Variants in HRC observed in about 807,000 individuals in gnomAD.
The protein encoded by HRC is sarcoplasmic reticulum histidine-rich calcium-binding protein.
A neutral mutation model predicts 61.4 loss-of-function variants in HRC; 41 were observed. That is an observed-to-expected ratio of 0.67 (90% CI 0.52 to 0.87). The LOEUF (loss-of-function observed/expected upper bound fraction) is 0.87, where lower values mean the gene tolerates loss of function less well. Ranked by LOEUF, HRC falls within the 40% of genes least tolerant of loss-of-function variation. HRC has a pLI of 0.00. For synonymous variants in HRC, 308 were observed against 326.6 expected, an observed-to-expected ratio of 0.94 and a Z score of 0.62; for missense variants, 839 against 885.8, an observed-to-expected ratio of 0.95 and a Z score of 0.67.
At position 49,152,388 on chromosome 19, in the gene HRC, G is replaced by A. The variant is rs771924967; in HGVS notation, c.1903-10C>T. On this transcript the variant is annotated splice_polypyrimidine_tract_variant and intron_variant, in intron 2 of 5. Transcript: ENST00000252825. ...CACATTCAGTGCATCGCTGGGGACCGGGGGAGCCTGGTTAGATGGAAACTC... is the reference window on the plus strand; with the variant it reads ...CACATTCAGTGCATCGCTGGGGACCAGGGGAGCCTGGTTAGATGGAAACTC... The A allele has an allele frequency of 1.5e-5, 24 of 1,610,924 alleles. No individual in the cohort carries two copies. The highest frequency in any genetic ancestry group is 2.0e-5 in the Non-Finnish European group (23 of 1,178,406).
At chr19:49,152,459 T>G (rs904097891) in intron 2 of HRC, 81 bp from the exon 3 acceptor site, 24 of 1,102,540 alleles carry the variant, frequency 2.2e-5, no homozygotes, top group Non-Finnish European at 2.9e-5. Context: ...CCCTGCACCC[T>G]GGACGCTTCC....
rs762012938 is a variant in HRC, at chr19:49,154,433, G to T, written c.805C>A (p.Gln269Lys). ...CCGTGGCCTTGGTGCCTGTGAGCCTGGTGTCTATATTCAATGGAGACATCA... is the reference window on the plus strand; with the variant it reads ...CCGTGGCCTTGGTGCCTGTGAGCCTTGTGTCTATATTCAATGGAGACATCA... ...DDDVSIEYRHQAHRHQGHGIE... is the reference protein window; with the variant it reads ...DDDVSIEYRHKAHRHQGHGIE... Residue 269 changes from glutamine (Q) to lysine (K), a missense_variant, in exon 1 of 6, where the codon CAG becomes AAG. Transcript: ENST00000252825. The T allele has an allele frequency of 1.4e-5, 22 of 1,587,430 alleles. No individual in the cohort carries two copies. The highest frequency in any genetic ancestry group is 1.9e-5 in the Non-Finnish European group (22 of 1,161,574).
intron 4 of HRC, 116 bp from the exon 5 acceptor site, chr19:49,151,669 C>T: frequency 3.3e-6 from 3 of 922,206 alleles, no homozygotes; most frequent in Non-Finnish European, 5.1e-6. Context: ...CTAATTCCTT[C>T]TTCCAACTGA....
At position 49,155,085 on chromosome 19, in the gene HRC, C is replaced by A. The variant is rs1028012565; in HGVS notation, c.153G>T (p.Glu51Asp). Reference protein sequence around the residue: ...NNSTGVAGLSEEASAELRHHL... With the variant: ...NNSTGVAGLSDEASAELRHHL... ...GGTGGCGAAGCTCTGCTGATGCCTCCTCGGAGAGCCCGGCGACTCCAGTGC... is the reference window on the plus strand; with the variant it reads ...GGTGGCGAAGCTCTGCTGATGCCTCATCGGAGAGCCCGGCGACTCCAGTGC... The change falls in exon 1 of 6, where the codon GAG becomes GAT. Residue 51 changes from glutamate to aspartate, a missense_variant. Coordinates refer to ENST00000252825, the MANE Select transcript of HRC (RefSeq NM_002152.3). This position sits in a 1 kb window ranked among gnomAD's most constrained non-coding sequence, Gnocchi z 4.7. 1.9e-6 allele frequency: 3 copies of A among 1,614,070 alleles called. No homozygotes were observed. In the African/African-American group the frequency reaches 4.0e-5, roughly 22 times the overall value.
chr19:49,151,993 C>T lies in HRC; in HGVS notation c.2026+11G>A. On this transcript the variant is annotated intron_variant, in intron 4 of 5. Coordinates refer to ENST00000252825, the MANE Select transcript of HRC (RefSeq NM_002152.3). ...TTCCTCAGGTTTTTCCAGGGCCCCG[C>T]CCATGCTCACCTGGAGCGCAGACCG... 1 of 1,613,904 alleles carries T rather than the reference C, an allele frequency of 6.2e-7. No homozygotes were observed. Among genetic ancestry groups the T allele is most frequent in the East Asian group, 2.2e-5 (1 of 44,888 alleles).
rs2041389407 is a variant in HRC, at chr19:49,154,101, T to C, written c.1137A>G (p.Glu379=). 1.2e-6 allele frequency: 2 copies of C among 1,614,072 alleles called. No homozygotes were observed. Among genetic ancestry groups the C allele is most frequent in the African/African-American group, 2.7e-5 (2 of 74,952 alleles). ...VHHGLVDEEE[E]EEEITVQFGH... ...CGAACTGGACTGTGATCTCCTCTTCTTCCTCTTCCTCATCTACAAGGCCAT... is the reference window on the plus strand; with the variant it reads ...CGAACTGGACTGTGATCTCCTCTTCCTCCTCTTCCTCATCTACAAGGCCAT... Residue 379 remains glutamate, a synonymous_variant, in exon 1 of 6, where the codon GAA becomes GAG. Coordinates refer to ENST00000252825, the MANE Select transcript of HRC (RefSeq NM_002152.3).
Position 49,154,976 on chromosome 19 carries a change from G to T in HRC, c.262C>A (p.Arg88Ser). Residue 88 changes from arginine to serine, a missense_variant, in exon 1 of 6, where the codon CGT becomes AGT. By Grantham distance (110) the Arg-to-Ser change is moderately radical. Coordinates refer to ENST00000252825, the MANE Select transcript of HRC (RefSeq NM_002152.3). ...GAGACATCTTCATCCTCCTTTTCAC[G>T]GTCTGGGTGGCTCCAGAAATGATGC... ...NGHHFWSHPD[R>S]EKEDEDVSKE... The T allele has an allele frequency of 6.2e-7, 1 of 1,614,122 alleles. No individual in the cohort carries two copies. Among genetic ancestry groups the T allele is most frequent in the Non-Finnish European group, 8.5e-7 (1 of 1,179,998 alleles).
rs1308191164 is a variant in HRC, at chr19:49,151,261, G to A, written c.*35C>T. On this transcript the variant is annotated 3_prime_UTR_variant, in exon 6 of 6. Coordinates refer to ENST00000252825, the MANE Select transcript of HRC (RefSeq NM_002152.3). ...TCGTGGAAAGGGGTTGGAAGGCAGG[G>A]GGAGGTACACCTGCGTCGCAGTCGA... The A allele has an allele frequency of 9.2e-6, 14 of 1,519,746 alleles. No homozygotes were observed. The East Asian group carries it at 3.4e-4, about 37-fold the overall frequency. The allele number at this position is 1,519,746 out of a possible 1,614,324, so 94.1% of individuals were successfully genotyped here.
In HRC at chr19:49,155,001, C is replaced by A. The variant is rs763091274; in HGVS notation, c.237G>T (p.Gly79=). Residue 79 remains glycine, a synonymous_variant, in exon 1 of 6, where the codon GGG becomes GGT. Transcript: ENST00000252825. This position sits in a 1 kb window ranked among gnomAD's most constrained non-coding sequence, Gnocchi z 4.7. ...DENKDVSTEN[G]HHFWSHPDRE... is the part of the protein sequence containing the mutation. ...GGTCTGGGTGGCTCCAGAAATGATG[C>A]CCATTCTCTGTGGAAACATCCTTGT... The A allele has an allele frequency of 6.2e-7, 1 of 1,614,222 alleles. No homozygotes were observed. Among genetic ancestry groups the A allele is most frequent in the South Asian group, 1.1e-5 (1 of 91,090 alleles).
intron 4 of HRC, among the ~76,000 whole-genome samples, 184 bp from the exon 5 acceptor site, chr19:49,151,737 C>T (rs1249274626): frequency 1.3e-5 from 2 of 152,226 alleles, no homozygotes; most frequent in Non-Finnish European, 2.9e-5. Context: ...AGTAGCCCCG[C>T]CCCTTCGATT....
rs764751124 is a variant in HRC at position 49,153,842 on chromosome 19, G to A, written c.1396C>T (p.Pro466Ser). 4 of 1,614,032 alleles carry A rather than the reference G, an allele frequency of 2.5e-6. No individual in the cohort carries two copies. The highest frequency in any genetic ancestry group is 3.4e-6 in the Non-Finnish European group (4 of 1,180,012). ...CTATCCTTGACCACTGTGTGTCCTG[G>A]GGGGTGATGGCTCATCTCTTTGATG... ...GSIKEMSHHPPGHTVVKDRSH... is the reference protein window; with the variant it reads ...GSIKEMSHHPSGHTVVKDRSH... Residue 466 changes from proline to serine, a missense_variant, in exon 1 of 6, where the codon CCA becomes TCA. Coordinates refer to ENST00000252825, the MANE Select transcript of HRC (RefSeq NM_002152.3). This position sits in a 1 kb window ranked among gnomAD's most constrained non-coding sequence, Gnocchi z 4.8.
intron 2 of HRC, 125 bp from the exon 3 acceptor site, chr19:49,152,503 C>T: frequency 1.5e-6 from 1 of 655,728 alleles, no homozygotes; most frequent in South Asian, 2.1e-5. Flanking sequence ...TAACACTGAG[C>T]TCTGTATCTG....
At chr19:49,151,435 T>C in intron 5 of HRC, 82 bp downstream of exon 5, 2 of 1,584,784 alleles carry the variant, frequency 1.3e-6, no homozygotes, top group Non-Finnish European at 1.7e-6. Context: ...GGAAATGGAG[T>C]CCCAGAGTCA....
chr19:49,152,245 G>A, intron 3 of HRC, 65 bp downstream of exon 3: 2 of 1,450,192 alleles, frequency 1.4e-6, no homozygotes, highest in East Asian at 2.3e-5. Context: ...AGGGCTGGGG[G>A]TCCTCAGAGG....
chr19:49,153,675 ATCC>A lies in HRC; in HGVS notation c.1560_1562del (p.Glu520del), dbSNP rs775261170. 33 of 1,606,714 alleles carry A rather than the reference ATCC, an allele frequency of 2.1e-5. No individual in the cohort carries two copies. In the South Asian group the frequency reaches 3.4e-4, roughly 17 times the overall value. ...GGCTGAGGCCATGACCTTCCTCCTCATCCTCCTCATCTTCCTGGTCCCGGCTGC... is the reference window on the plus strand; with the variant it reads ...GGCTGAGGCCATGACCTTCCTCCTCATCCTCATCTTCCTGGTCCCGGCTGC... On this transcript the variant is annotated inframe_deletion, in exon 1 of 6. Coordinates refer to ENST00000252825, the MANE Select transcript of HRC (RefSeq NM_002152.3). The surrounding 1 kb of genome is among the most constrained non-coding windows in gnomAD (Gnocchi z 4.8).
Position 49,151,999 on chromosome 19 carries a change from C to T in HRC, c.2026+5G>A. On this transcript the variant is annotated splice_donor_5th_base_variant and intron_variant, in intron 4 of 5. Coordinates refer to ENST00000252825, the MANE Select transcript of HRC (RefSeq NM_002152.3). Reference sequence around the variant, plus strand: ...AGGTTTTTCCAGGGCCCCGCCCATGCTCACCTGGAGCGCAGACCGTTTCGC... The same window carrying T: ...AGGTTTTTCCAGGGCCCCGCCCATGTTCACCTGGAGCGCAGACCGTTTCGC... The T allele has an allele frequency of 6.2e-7, 1 of 1,614,060 alleles. No homozygotes were observed. The highest frequency in any genetic ancestry group is 1.1e-5 in the South Asian group (1 of 91,078).
chr19:49,151,657 C>A, intron 4 of HRC, 104 bp from the exon 5 acceptor site: 1 of 1,017,610 alleles, frequency 9.8e-7, no homozygotes, highest in Non-Finnish European at 1.5e-6. Flanking sequence ...ACCTCCTTTT[C>A]CCTAATTCCT....
Position 49,154,513 on chromosome 19 carries a change from C to T in HRC, c.725G>A (p.Gly242Asp), listed in dbSNP as rs377432159. 5.0e-6 allele frequency: 8 copies of T among 1,610,712 alleles called. No individual in the cohort carries two copies. The African/African-American group carries it at 6.8e-5, about 14-fold the overall frequency. Residue 242 changes from glycine (G) to aspartate (D), a missense_variant, in exon 1 of 6, where the codon GGC becomes GAC. Physicochemically the swap from Gly to Asp is moderately conservative, Grantham distance 94. Transcript: ENST00000252825. ...HHHGPSHRHQ[G>D]HEEDDDDDDD... ...ATCATCATCGTCATCTTCTTCATGG[C>T]CTTGGTGCCTGTGGCTGGGGCCATG... is the stretch of plus-strand genomic sequence containing the variant.
rs762026394 is a variant in HRC at position 49,154,716 on chromosome 19, G to A, written c.522C>T (p.His174=). 5.6e-6 allele frequency: 9 copies of A among 1,613,842 alleles called. 1 individual carries two copies. The South Asian group carries it at 8.8e-5, about 16-fold the overall frequency. ...GGTGTCCATGCCTGAGGATATGATG[G>A]TGATGCTCACTGGACACAACTTCAT... ...DEDEVVSSEH[H]HHILRHGHRG... Residue 174 remains histidine, a synonymous_variant, in exon 1 of 6, where the codon CAC becomes CAT. Transcript: ENST00000252825.
Sources: allele counts gnomAD v4.1 joint callset (sites outside exome capture counted in the v4.1 genomes callset), GRCh38; gene constraint gnomAD v4.1.1; non-coding constraint Gnocchi (gnomAD v3.1); transcripts MANE v1.5; gene names NCBI Gene and HGNC (gene_info 2026-07-23, HGNC 2026-07-21).